RASSF8: variants seen among roughly 807,000 people sequenced by gnomAD.
RASSF8 encodes the protein Ras association domain family member 8.
RASSF8 carries 22 observed loss-of-function variants against 48.5 expected under a neutral mutation model. That is an observed-to-expected ratio of 0.45 (90% CI 0.32 to 0.65). The LOEUF (loss-of-function observed/expected upper bound fraction) is 0.65, where lower values mean the gene tolerates loss of function less well. Ranked by LOEUF, RASSF8 falls within the 30% of genes least tolerant of loss-of-function variation. The pLI is 0.03. For missense variants in RASSF8, 418 were observed against 489.2 expected, an observed-to-expected ratio of 0.85 and a Z score of 1.37; for synonymous variants, 127 against 171.5, an observed-to-expected ratio of 0.74 and a Z score of 2.03.
intron 2 of RASSF8, among the ~76,000 whole-genome samples, chr12:26,017,122 A>T (rs898783630): frequency 6.6e-6 from 1 of 152,058 alleles, no homozygotes; most frequent in Non-Finnish European, 1.5e-5. Flanking sequence ...TAAATGAAAT[A>T]TTTTTTTAAA....
At chr12:26,033,949 T>C (rs960037385) in intron 2 of RASSF8, among the ~76,000 whole-genome samples, 2 of 152,120 alleles carry the variant, frequency 1.3e-5, no homozygotes, top group African/African-American at 4.8e-5. Context: ...TCTGAGTCGT[T>C]GTATGTGCCT....
At chr12:25,982,253 CAA>C (rs1941762386) in intron 1 of RASSF8, among the ~76,000 whole-genome samples, 1 of 152,106 alleles carries the variant, frequency 6.6e-6, no homozygotes, top group African/African-American at 2.4e-5. Flanking sequence ...TAGCTTAAAA[CAA>C]TGACTAAAAT....
intron 1 of RASSF8, among the ~76,000 whole-genome samples, chr12:25,989,333 G>A (rs1317130826): frequency 2.0e-5 from 3 of 152,152 alleles, no homozygotes; most frequent in African/African-American, 7.2e-5. Flanking sequence ...TCTACTACTA[G>A]TGTGTTTTAT....
chr12:26,051,895 C>A (rs894830966), intron 2 of RASSF8, among the ~76,000 whole-genome samples: 2 of 152,214 alleles, frequency 1.3e-5, no homozygotes, highest in Non-Finnish European at 2.9e-5. Flanking sequence ...CCCCATGGGT[C>A]ACCTCACAGC....
intron 1 of RASSF8, among the ~76,000 whole-genome samples, chr12:25,972,058 T>G (rs1941498037): frequency 6.6e-6 from 1 of 152,192 alleles, no homozygotes; most frequent in African/African-American, 2.4e-5. Context: ...TTGAGTGAAT[T>G]TATACCCTAA....
intron 2 of RASSF8, among the ~76,000 whole-genome samples, chr12:26,031,974 A>G (rs1008865217): frequency 2.0e-5 from 3 of 152,176 alleles, no homozygotes; most frequent in African/African-American, 7.2e-5. Flanking sequence ...GTTTTGGTTT[A>G]CATTTATGTG....
At chr12:25,984,604 G>A (rs1941829088) in intron 1 of RASSF8, among the ~76,000 whole-genome samples, 1 of 152,210 alleles carries the variant, frequency 6.6e-6, no homozygotes. Context: ...GCCTCCCAAA[G>A]TGTTGGGACT....
intron 2 of RASSF8, among the ~76,000 whole-genome samples, chr12:26,042,910 C>A (rs1943295656): frequency 6.6e-6 from 1 of 152,094 alleles, no homozygotes. Flanking sequence ...GGCTTTTCTG[C>A]AGTACTGCTT....
At chr12:25,968,215 C>G (rs1941402870) in intron 1 of RASSF8, among the ~76,000 whole-genome samples, 1 of 152,214 alleles carries the variant, frequency 6.6e-6, no homozygotes, top group Admixed American at 6.5e-5. Context: ...TTGCCTAAAC[C>G]AGTGGAAACT....
intron 2 of RASSF8, among the ~76,000 whole-genome samples, chr12:25,995,919 T>C (rs7969486): frequency 0.35 from 53,174 of 152,132 alleles, 10,463 homozygotes; most frequent in Non-Finnish European, 0.45. Context: ...GCAAAAGTTA[T>C]GTGTGTGCAT....
intron 2 of RASSF8, among the ~76,000 whole-genome samples, chr12:26,031,629 A>G (rs1943032897): frequency 6.6e-6 from 1 of 152,172 alleles, no homozygotes; most frequent in African/African-American, 2.4e-5. Flanking sequence ...TGTTGGCAGT[A>G]AGAATGGTAA....
At chr12:25,982,590 G>T (rs1565603700) in intron 1 of RASSF8, among the ~76,000 whole-genome samples, 1 of 152,174 alleles carries the variant, frequency 6.6e-6, no homozygotes, top group Non-Finnish European at 1.5e-5. Flanking sequence ...GTGAAAGCAA[G>T]AAATCAGAGA....
At chr12:26,022,805 G>A (rs576184786) in intron 2 of RASSF8, among the ~76,000 whole-genome samples, 1 of 151,948 alleles carries the variant, frequency 6.6e-6, no homozygotes, top group Admixed American at 6.6e-5. Flanking sequence ...GCAATGGCGC[G>A]ATCTCGGCTC....
At chr12:25,981,938 C>G (rs11048367) in intron 1 of RASSF8, among the ~76,000 whole-genome samples, 55,952 of 152,116 alleles carry the variant, frequency 0.37, 11,441 homozygotes, top group Non-Finnish European at 0.46. Flanking sequence ...ATCCCTATTT[C>G]AAGGATATGT....
chr12:26,058,532 G>GCA (rs1415812602), intron 3 of RASSF8, among the ~76,000 whole-genome samples: 7 of 61,218 alleles, frequency 1.1e-4, no homozygotes, highest in South Asian at 9.8e-4. Flanking sequence ...ATGCGCACGC[G>GCA]CGCGCGCACA....
In RASSF8 at chr12:25,959,039, G is replaced by A. The variant is rs1249110894; in HGVS notation, c.-312G>A. The A allele has an allele frequency of 6.8e-6, 1 of 147,434 alleles. No homozygotes were observed. The highest frequency in any genetic ancestry group is 1.5e-5 in the Non-Finnish European group (1 of 66,248). The allele number at this position is 147,434 out of a possible 1,614,324, so 9.1% of individuals were successfully genotyped here. A position where few individuals can be genotyped will look rare whatever the true frequency, so the allele number is the denominator to read the frequency against. On this transcript the variant is annotated 5_prime_UTR_variant, in exon 1 of 6. Coordinates refer to ENST00000689635, the MANE Select transcript of RASSF8 (RefSeq NM_001394098.1). ...GCGCCGGGGAGTGCCGGGGAGTGCG[G>A]CGCGGGGACGGGCGCTGGGCGGCCG...
rs1457394613 is a variant in RASSF8, at chr12:26,067,598, T to G, written c.1023T>G (p.Thr341=). The change falls in exon 5 of 6, where the codon ACT becomes ACG. Residue 341 remains threonine, a synonymous_variant. Coordinates refer to ENST00000689635, the MANE Select transcript of RASSF8 (RefSeq NM_001394098.1). The stretch of plus-strand genomic sequence containing the variant: ...AAGAACAGGAACTGGAGCAGTTGAC[T>G]AAGGAGTTGCGGCAAGTCAATCTCC... ...QDKEQELEQL[T]KELRQVNLQQ... is the part of the protein sequence containing the mutation. The G allele has an allele frequency of 1.2e-6, 2 of 1,613,910 alleles. No homozygotes were observed. The highest frequency in any genetic ancestry group is 2.2e-5 in the East Asian group (1 of 44,834).
rs151273355 is a variant in RASSF8, at chr12:26,043,026, C to T, written c.-108-12210C>T. 6.6e-5 allele frequency among the ~76,000 whole-genome samples: 10 copies of T among 152,220 alleles called. No individual in the cohort carries two copies. The East Asian group carries it at 9.7e-4, about 15-fold the overall frequency. ...GTTAAGCATAAACTCTGTTTGTTTC[C>T]GTCCTGTACAATTAGTGCCTATATT... On this transcript the variant is annotated intron_variant, in intron 2 of 5. Transcript: ENST00000689635.
downstream of RASSF8, among the ~76,000 whole-genome samples, chr12:26,074,311 AC>A (rs2137353105): frequency 6.6e-6 from 1 of 151,942 alleles, no homozygotes; most frequent in African/African-American, 2.4e-5. Context: ...TTGTCCGGAC[AC>A]TGGAGTGAGA....
Sources: gnomAD v4.1 joint callset for allele counts (sites outside exome capture counted in the v4.1 genomes callset) on GRCh38, gnomAD v4.1.1 for gene constraint, MANE v1.5 for transcripts, NCBI Gene and HGNC (gene_info 2026-07-23, HGNC 2026-07-21) for gene names.